Variants in SPIRE2 observed in about 807,000 individuals in gnomAD.
The protein encoded by SPIRE2 is protein spire homolog 2.
A neutral mutation model predicts 80.7 loss-of-function variants in SPIRE2; 76 were observed. The ratio of observed to expected loss-of-function variants is 0.94; its 90% confidence interval spans 0.78 to 1.14. The LOEUF (loss-of-function observed/expected upper bound fraction) is 1.14, where lower values mean the gene tolerates loss of function less well. SPIRE2 is among the 50% of genes most tolerant of loss of function. SPIRE2 has a pLI of 0.00. For missense variants in SPIRE2, 1,196 were observed against 1,015.3 expected (o/e 1.18, Z -2.42); for synonymous variants, 535 against 432.6 (o/e 1.24, Z -2.94).
intron 2 of SPIRE2, among the ~76,000 whole-genome samples, chr16:89,848,802 A>G (rs2041590920): frequency 6.7e-6 from 1 of 150,062 alleles, no homozygotes; most frequent in Non-Finnish European, 1.5e-5. Context: ...GTGTTTCTGC[A>G]GGACAGACGA....
At chr16:89,844,374 T>C (rs2041536813) in intron 1 of SPIRE2, among the ~76,000 whole-genome samples, 1 of 151,662 alleles carries the variant, frequency 6.6e-6, no homozygotes, top group African/African-American at 2.4e-5. Flanking sequence ...TAGGGTTTCA[T>C]CATGTTGGTC....
intron 12 of SPIRE2, 132 bp from the exon 13 acceptor site, chr16:89,868,057 G>A (rs949476659): frequency 1.0e-6 from 1 of 972,488 alleles, no homozygotes. Flanking sequence ...ATAAAGTACT[G>A]AAGTAACCAA....
rs539365361 is a variant in SPIRE2 at position 89,863,832 on chromosome 16, G to A, written c.1749G>A (p.Ser583=). The A allele has an allele frequency of 1.4e-5, 22 of 1,614,012 alleles. No homozygotes were observed. The highest frequency in any genetic ancestry group is 1.6e-4 in the Middle Eastern group (1 of 6,062). Residue 583 remains serine (S), a synonymous_variant, in exon 12 of 15, where the codon TCG becomes TCA. Coordinates refer to ENST00000378247, the MANE Select transcript of SPIRE2 (RefSeq NM_032451.2). The surrounding 1 kb of genome is among the most constrained non-coding windows in gnomAD (Gnocchi z 4.3). The part of the protein sequence containing the change: ...CCCRAKFPLF[S]WPPSCLFCKR... ...GCCGGGCCAAGTTCCCGCTGTTCTC[G>A]TGGCCGCCCAGCTGTCTCTTCTGCA... is the stretch of plus-strand genomic sequence containing the variant.
Position 89,856,243 on chromosome 16 carries a change from G to A in SPIRE2, c.1102+7G>A. On this transcript the variant is annotated splice_region_variant and intron_variant, in intron 7 of 14. Transcript: ENST00000378247. The stretch of plus-strand genomic sequence containing the variant: ...GAGGGCTGGGCTGCCCGCGGTGAGT[G>A]AGGGGATGGCAGGAGAAGAGAGCCC... 1.9e-6 allele frequency: 3 copies of A among 1,563,900 alleles called. No homozygotes were observed. Among genetic ancestry groups the A allele is most frequent in the Non-Finnish European group, 2.6e-6 (3 of 1,155,092 alleles).
chr16:89,856,704 C>T (rs1369360852), intron 7 of SPIRE2, among the ~76,000 whole-genome samples: 2 of 150,636 alleles, frequency 1.3e-5, no homozygotes, highest in South Asian at 2.1e-4. Flanking sequence ...AAGTGATCTG[C>T]CTGCCTTGGC....
chr16:89,849,802 T>G, intron 2 of SPIRE2: 1 of 292,848 alleles, frequency 3.4e-6, no homozygotes, highest in Non-Finnish European at 6.6e-6. Flanking sequence ...AGGTCGCTAC[T>G]GTGAAGCTTC....
In SPIRE2 at chr16:89,870,442, C is replaced by G; in HGVS notation, c.*170C>G. ...CCTGGCCCCAGAGCTCATTTGGGTT[C>G]AGGCGCACTTCAAAACCCTCCCTGG... On this transcript the variant is annotated 3_prime_UTR_variant, in exon 15 of 15. Transcript: ENST00000378247. 1 of 562,846 alleles carries G rather than the reference C, an allele frequency of 1.8e-6. No homozygotes were observed. The highest frequency in any genetic ancestry group is 2.3e-5 in the South Asian group (1 of 43,138). The allele number at this position is 562,846 out of a possible 1,614,324, so 34.9% of individuals were successfully genotyped here.
intron 1 of SPIRE2, among the ~76,000 whole-genome samples, chr16:89,831,484 G>C (rs1420236060): frequency 1.4e-5 from 2 of 145,690 alleles, no homozygotes; most frequent in Non-Finnish European, 3.0e-5. Context: ...TGCAAGCTTC[G>C]CCTACTGGGT....
In SPIRE2 at chr16:89,828,967, C is replaced by T. The variant is rs58228555; in HGVS notation, c.244+173C>T. 6.6e-6 allele frequency among the ~76,000 whole-genome samples: 1 copy of T among 152,204 alleles called. No homozygotes were observed. Among genetic ancestry groups the T allele is most frequent in the South Asian group, 2.1e-4 (1 of 4,830 alleles). ...CCACTCTCCGTCCCTCTTTCCCTCTCTCTTTCCTCCCTCCTTCTCTCCCTC... is the reference window on the plus strand; with the variant it reads ...CCACTCTCCGTCCCTCTTTCCCTCTTTCTTTCCTCCCTCCTTCTCTCCCTC... On this transcript the variant is annotated intron_variant, in intron 1 of 14. Transcript: ENST00000378247. This position sits in a 1 kb window ranked among gnomAD's most constrained non-coding sequence, Gnocchi z 5.9.
intron 3 of SPIRE2, 94 bp downstream of exon 3, chr16:89,850,754 A>G: frequency 1.1e-6 from 1 of 949,720 alleles, no homozygotes; most frequent in East Asian, 3.0e-5. Flanking sequence ...CTCTTCGTGG[A>G]CAGAAAGTCA....
chr16:89,859,909 T>C (rs1478287778), intron 9 of SPIRE2, among the ~76,000 whole-genome samples: 1 of 152,186 alleles, frequency 6.6e-6, no homozygotes, highest in Non-Finnish European at 1.5e-5. Context: ...CAGGCCTCCT[T>C]GTCTGCCTGT....
intron 12 of SPIRE2, among the ~76,000 whole-genome samples, chr16:89,866,454 C>T (rs1395126918): frequency 3.3e-5 from 5 of 151,868 alleles, no homozygotes; most frequent in Admixed American, 3.3e-4. Context: ...TGTGCCACCA[C>T]ACTTGCTAAT....
intron 10 of SPIRE2, 119 bp downstream of exon 10, chr16:89,860,914 A>G: frequency 1.6e-6 from 1 of 608,520 alleles, no homozygotes; most frequent in Non-Finnish European, 2.7e-6. Context: ...GTGTGGCCTG[A>G]GCGTCCGTCT....
rs1426083010 is a variant in SPIRE2 at position 89,858,456 on chromosome 16, G to A, written c.1221G>A (p.Val407=). ...GCGCCCAGCGCCCGCGGCCCCGCGTGCTGCTCAAGGCGCCTACCTTGGCTG... is the reference window on the plus strand; with the variant it reads ...GCGCCCAGCGCCCGCGGCCCCGCGTACTGCTCAAGGCGCCTACCTTGGCTG... The part of the protein sequence containing the change: ...GGSAQRPRPR[V]LLKAPTLAEM... The change falls in exon 8 of 15, where the codon GTG becomes GTA. Residue 407 remains valine (V), a synonymous_variant. Transcript: ENST00000378247. 2.5e-5 allele frequency: 41 copies of A among 1,609,238 alleles called. No individual in the cohort carries two copies. The Admixed American group carries it at 6.6e-4, about 26-fold the overall frequency.
At position 89,870,805 on chromosome 16, in the gene SPIRE2, G is replaced by C. The variant is rs2041833237; in HGVS notation, c.*533G>C. 2 of 158,308 alleles carry C rather than the reference G, an allele frequency of 1.3e-5. No individual in the cohort carries two copies. The highest frequency in any genetic ancestry group is 4.8e-5 in the African/African-American group (2 of 41,472). The allele number at this position is 158,308 out of a possible 1,614,324, so 9.8% of individuals were successfully genotyped here. A position where few individuals can be genotyped will look rare whatever the true frequency, so the allele number is the denominator to read the frequency against. On this transcript the variant is annotated 3_prime_UTR_variant, in exon 15 of 15. Coordinates refer to ENST00000378247, the MANE Select transcript of SPIRE2 (RefSeq NM_032451.2). ...CACCCCCACCTGTTTGAAAGGTCTG[G>C]CCAGGCGTGGTGGTTCAGGCCTGTA...
chr16:89,858,363 C>G lies in SPIRE2; in HGVS notation c.1128C>G (p.Leu376=). The G allele has an allele frequency of 6.2e-7, 1 of 1,609,542 alleles. No individual in the cohort carries two copies. The highest frequency in any genetic ancestry group is 8.5e-7 in the Non-Finnish European group (1 of 1,178,420). Residue 376 remains leucine (L), a synonymous_variant, in exon 8 of 15, where the codon CTC becomes CTG. Transcript: ENST00000378247. ...ARGFGSLPCI[L]NACSGDAKST... is the part of the protein sequence containing the mutation. ...GGTTTGGCTCTCTGCCCTGCATCCT[C>G]AACGCCTGCTCCGGAGATGCCAAGT... is the stretch of plus-strand genomic sequence containing the variant.
In SPIRE2 at chr16:89,856,200, C is replaced by T. The variant is rs2041690126; in HGVS notation, c.1066C>T (p.Leu356=). 1.3e-6 allele frequency: 2 copies of T among 1,599,870 alleles called. No homozygotes were observed. Among genetic ancestry groups the T allele is most frequent in the Non-Finnish European group, 1.7e-6 (2 of 1,174,284 alleles). The change falls in exon 7 of 15, where the codon CTG becomes TTG. Residue 356 remains leucine, a synonymous_variant. Transcript: ENST00000378247. ...GGAGGAGATCAAGCAGGAGCGGAGG[C>T]TGCGCCCGGTGCGGGGCGAGGGCTG... ...ILEEIKQERR[L]RPVRGEGWAA...
chr16:89,839,958 G>A (rs548477589), intron 1 of SPIRE2, among the ~76,000 whole-genome samples: 61 of 152,370 alleles, frequency 4.0e-4, no homozygotes, highest in Admixed American at 1.2e-3. Context: ...AACGCCATGC[G>A]TGAGATTGAG....
At chr16:89,857,740 T>A (rs1161072505) in intron 7 of SPIRE2, among the ~76,000 whole-genome samples, 1 of 151,604 alleles carries the variant, frequency 6.6e-6, no homozygotes, top group Non-Finnish European at 1.5e-5. Context: ...CCAGCTAATT[T>A]TGTATTTTTA....
Sources: gnomAD v4.1 joint callset for allele counts (sites outside exome capture counted in the v4.1 genomes callset) on GRCh38, gnomAD v4.1.1 for gene constraint, Gnocchi (gnomAD v3.1) non-coding constraint, MANE v1.5 for transcripts, NCBI Gene and HGNC (gene_info 2026-07-23, HGNC 2026-07-21) for gene names.